TMEM108: variants seen among roughly 807,000 people sequenced by gnomAD.
The protein encoded by TMEM108 is cancer/testis antigen 124.
In TMEM108, 12 loss-of-function variants were observed where a neutral mutation model predicts 35.1. The observed-to-expected ratio is 0.34, with a 90% CI of 0.22 to 0.55. The LOEUF (loss-of-function observed/expected upper bound fraction) is 0.55. Ranked by LOEUF, TMEM108 falls within the 20% of genes least tolerant of loss-of-function variation. The probability of loss-of-function intolerance (pLI) is 0.89; values close to 1 mark genes in which losing one functional copy is unlikely to be tolerated. For synonymous variants in TMEM108, 287 were observed against 308.6 expected, an observed-to-expected ratio of 0.93 and a Z score of 0.73; for missense variants, 680 against 753.3, an observed-to-expected ratio of 0.90 and a Z score of 1.14.
chr3:133,384,330 A>G (rs1445139093), intron 4 of TMEM108, among the ~76,000 whole-genome samples: 2 of 152,216 alleles, frequency 1.3e-5, no homozygotes, highest in Non-Finnish European at 2.9e-5. Context: ...CACCAGAGTC[A>G]GAATTCAGAT....
chr3:133,328,179 G>C (rs2107725153), intron 3 of TMEM108, among the ~76,000 whole-genome samples: 1 of 152,276 alleles, frequency 6.6e-6, no homozygotes, highest in East Asian at 1.9e-4. Flanking sequence ...AGACTCTTCT[G>C]TTCATCATTT....
intron 3 of TMEM108, among the ~76,000 whole-genome samples, chr3:133,307,440 C>G (rs564974658): frequency 2.6e-5 from 4 of 152,232 alleles, no homozygotes; most frequent in African/African-American, 9.6e-5. Context: ...ACATGAAGTC[C>G]TTGCCCATGC....
At chr3:133,155,085 A>G (rs975783150) in intron 2 of TMEM108, among the ~76,000 whole-genome samples, 19 of 151,900 alleles carry the variant, frequency 1.3e-4, no homozygotes. Flanking sequence ...TTTAGCTCCT[A>G]TTTATAAGTG....
At chr3:133,139,677 G>A (rs1410229306) in intron 2 of TMEM108, among the ~76,000 whole-genome samples, 1 of 152,178 alleles carries the variant, frequency 6.6e-6, no homozygotes. Flanking sequence ...TCTTTAAAAG[G>A]CTGTCTTTAG....
chr3:133,200,276 G>C (rs763639558), intron 2 of TMEM108, among the ~76,000 whole-genome samples: 13 of 152,098 alleles, frequency 8.5e-5, no homozygotes, highest in Non-Finnish European at 1.5e-4. Flanking sequence ...CCACTCTCCT[G>C]CACCCACCGT....
At chr3:133,086,575 AT>A (rs1422858806) in intron 2 of TMEM108, among the ~76,000 whole-genome samples, 2 of 152,168 alleles carry the variant, frequency 1.3e-5, no homozygotes, top group African/African-American at 4.8e-5. Flanking sequence ...CGAGATGAGC[AT>A]TTTTTAAAAC....
chr3:133,270,151 TC>T (rs1435449504), intron 3 of TMEM108, among the ~76,000 whole-genome samples: 1 of 152,052 alleles, frequency 6.6e-6, no homozygotes, highest in Non-Finnish European at 1.5e-5. Context: ...AGTTCTCCCC[TC>T]CCCCAATCAA....
intron 3 of TMEM108, among the ~76,000 whole-genome samples, chr3:133,369,975 A>G (rs1395382727): frequency 1.3e-5 from 2 of 152,184 alleles, no homozygotes; most frequent in Non-Finnish European, 2.9e-5. Flanking sequence ...TATTTTTAAA[A>G]TTTAGAAGTT....
intron 2 of TMEM108, among the ~76,000 whole-genome samples, chr3:133,220,928 A>G (rs1205728048): frequency 6.6e-6 from 1 of 152,188 alleles, no homozygotes; most frequent in Non-Finnish European, 1.5e-5. Context: ...CTTTACTTAC[A>G]TGTACCAGTT....
chr3:133,075,955 A>G (rs1185237952), intron 2 of TMEM108, among the ~76,000 whole-genome samples: 2 of 152,100 alleles, frequency 1.3e-5, no homozygotes, highest in African/African-American at 2.4e-5. Context: ...TGAGGCTGAA[A>G]GAGTGAGGAA....
chr3:133,239,681 A>G (rs1279078151), intron 3 of TMEM108, among the ~76,000 whole-genome samples: 1 of 152,194 alleles, frequency 6.6e-6, no homozygotes, highest in African/African-American at 2.4e-5. Context: ...TTACATGTCT[A>G]AGTCTCTAGT....
intron 2 of TMEM108, among the ~76,000 whole-genome samples, chr3:133,055,009 A>T (rs1253141237): frequency 2.6e-5 from 4 of 152,204 alleles, no homozygotes; most frequent in African/African-American, 9.7e-5. Context: ...AGGGTGATGG[A>T]GATTGGGATC....
chr3:133,139,562 A>G (rs1944613986), intron 2 of TMEM108, among the ~76,000 whole-genome samples: 1 of 152,210 alleles, frequency 6.6e-6, no homozygotes, highest in Non-Finnish European at 1.5e-5. Flanking sequence ...ACTAGGGGAA[A>G]ATCAGCAAAG....
intron 2 of TMEM108, among the ~76,000 whole-genome samples, chr3:133,188,334 CCTT>C (rs2107811477): frequency 6.6e-6 from 1 of 151,904 alleles, no homozygotes; most frequent in African/African-American, 2.4e-5. Flanking sequence ...GGCCCTTTCT[CCTT>C]CTTTTGTCCT....
At chr3:133,282,849 C>A (rs941639270) in intron 3 of TMEM108, among the ~76,000 whole-genome samples, 3 of 152,048 alleles carry the variant, frequency 2.0e-5, no homozygotes, top group Admixed American at 1.3e-4. Flanking sequence ...AAAAAAGTAC[C>A]ACTATTTAAG....
chr3:133,173,872 G>C (rs1945168056), intron 2 of TMEM108, among the ~76,000 whole-genome samples: 1 of 152,256 alleles, frequency 6.6e-6, no homozygotes, highest in Non-Finnish European at 1.5e-5. Flanking sequence ...AGCCGAAGCA[G>C]GGTGAGGCAT....
At chr3:133,058,099 A>AG (rs1431034001) in intron 2 of TMEM108, among the ~76,000 whole-genome samples, 1 of 151,768 alleles carries the variant, frequency 6.6e-6, no homozygotes, top group Non-Finnish European at 1.5e-5. Flanking sequence ...ATTTTGAAAA[A>AG]AAAATTGTTT....
At chr3:133,101,653 A>C (rs1944089325) in intron 2 of TMEM108, among the ~76,000 whole-genome samples, 1 of 152,252 alleles carries the variant, frequency 6.6e-6, no homozygotes, top group African/African-American at 2.4e-5. Context: ...ATAATGAGAG[A>C]TTAGTATCTT....
At chr3:133,247,285 C>T (rs1946400624) in intron 3 of TMEM108, 1 of 152,130 alleles carries the variant, frequency 6.6e-6, no homozygotes, top group Admixed American at 6.6e-5. Context: ...ATAGAAGTGT[C>T]AGCCTGCCTT....
Sources: gnomAD v4.1 joint callset for allele counts (sites outside exome capture counted in the v4.1 genomes callset) on GRCh38, gnomAD v4.1.1 for gene constraint, MANE v1.5 for transcripts, NCBI Gene and HGNC (gene_info 2026-07-23, HGNC 2026-07-21) for gene names.